ATL2: variants seen among roughly 807,000 people sequenced by gnomAD.
ATL2 encodes atlastin GTPase 2.
A neutral mutation model predicts 73.9 loss-of-function variants in ATL2; 31 were observed. The observed-to-expected ratio is 0.42, with a 90% CI of 0.32 to 0.57. The LOEUF is 0.57. Ranked by LOEUF, ATL2 falls within the 20% of genes least tolerant of loss-of-function variation. ATL2 has a pLI of 0.14. For synonymous variants in ATL2, 291 were observed against 237.5 expected (o/e 1.23, Z -2.07); for missense variants, 738 against 702.6 (o/e 1.05, Z -0.57).
intron 1 of ATL2, chr2:38,376,042 C>T (rs1671939542): frequency 7.3e-7 from 1 of 1,373,912 alleles, no homozygotes; most frequent in African/African-American, 1.4e-5. Context: ...CTTTACACAC[C>T]GTAAAAAAAG....
chr2:38,350,036 T>C (rs745534992), intron 1 of ATL2, among the ~76,000 whole-genome samples: 11 of 152,226 alleles, frequency 7.2e-5, no homozygotes, highest in Non-Finnish European at 1.2e-4. Context: ...GAGAATTGTA[T>C]GTAAATTTCA....
chr2:38,357,795 A>T (rs2124458055), intron 1 of ATL2, among the ~76,000 whole-genome samples: 1 of 152,330 alleles, frequency 6.6e-6, no homozygotes, highest in East Asian at 1.9e-4. Flanking sequence ...GACAACATTC[A>T]AGTTCTAGTA....
intron 2 of ATL2, among the ~76,000 whole-genome samples, chr2:38,329,132 A>C (rs1315097779): frequency 2.0e-5 from 3 of 150,488 alleles, no homozygotes; most frequent in Non-Finnish European, 4.4e-5. Context: ...ATTTAAAAAA[A>C]AAAAAAAAAA....
chr2:38,325,643 C>T (rs1333497901), intron 2 of ATL2, among the ~76,000 whole-genome samples: 4 of 80,794 alleles, frequency 5.0e-5, no homozygotes, highest in Non-Finnish European at 1.0e-4. Context: ...CACACACACA[C>T]ACACACACAC....
chr2:38,367,780 T>G (rs969841474), intron 1 of ATL2, among the ~76,000 whole-genome samples: 2 of 146,874 alleles, frequency 1.4e-5, no homozygotes, highest in Non-Finnish European at 3.0e-5. Flanking sequence ...TTACAGGCGC[T>G]TGCCACCATG....
At chr2:38,334,369 G>C (rs1251346061) in intron 2 of ATL2, among the ~76,000 whole-genome samples, 1 of 151,424 alleles carries the variant, frequency 6.6e-6, no homozygotes, top group African/African-American at 2.4e-5. Flanking sequence ...ATAATAAGCA[G>C]CAGCAGCCCA....
At chr2:38,356,484 C>G (rs10208506) in intron 1 of ATL2, among the ~76,000 whole-genome samples, 37,465 of 152,016 alleles carry the variant, frequency 0.25, 4,668 homozygotes, top group South Asian at 0.35. Flanking sequence ...TGAGCCACCA[C>G]GCCTGGCCCA....
intron 10 of ATL2, 46 bp downstream of exon 10, chr2:38,300,226 C>T (rs962468219): frequency 6.9e-7 from 1 of 1,440,028 alleles, no homozygotes; most frequent in Non-Finnish European, 9.5e-7. Flanking sequence ...TATTCTCCCT[C>T]ATAAATAAGT....
At chr2:38,325,715 C>CACACACCAGT (rs1668605675) in intron 2 of ATL2, among the ~76,000 whole-genome samples, 1 of 112,210 alleles carries the variant, frequency 8.9e-6, no homozygotes, top group Non-Finnish European at 1.6e-5. Flanking sequence ...CACACACACA[C>CACACACCAGT]ACACACACAC....
At chr2:38,373,926 T>C (rs1445942488) in intron 1 of ATL2, among the ~76,000 whole-genome samples, 1 of 152,214 alleles carries the variant, frequency 6.6e-6, no homozygotes, top group African/African-American at 2.4e-5. Context: ...AGTTTCGCTC[T>C]TGTTGCCCAG....
chr2:38,351,384 C>A (rs751650272), intron 1 of ATL2, among the ~76,000 whole-genome samples: 1 of 151,986 alleles, frequency 6.6e-6, no homozygotes, highest in Non-Finnish European at 1.5e-5. Flanking sequence ...ATTAATGTTG[C>A]GTACCTCAAA....
At chr2:38,376,132 A>G in intron 1 of ATL2, 1 of 1,526,488 alleles carries the variant, frequency 6.6e-7, no homozygotes, top group South Asian at 1.2e-5. Flanking sequence ...GTAGGCTTTT[A>G]CTATTTATAA....
intron 1 of ATL2, among the ~76,000 whole-genome samples, chr2:38,371,084 C>A (rs1671663463): frequency 6.6e-6 from 1 of 152,148 alleles, no homozygotes; most frequent in Non-Finnish European, 1.5e-5. Flanking sequence ...AATTCATTCA[C>A]TGAAATTTTT....
At chr2:38,303,422 T>A (rs1667285554) in intron 9 of ATL2, among the ~76,000 whole-genome samples, 1 of 151,840 alleles carries the variant, frequency 6.6e-6, no homozygotes, top group Non-Finnish European at 1.5e-5. Context: ...CCCAGACTGG[T>A]CTCAAGTGAT....
chr2:38,346,161 A>T (rs1355047141), intron 1 of ATL2, among the ~76,000 whole-genome samples: 1 of 152,134 alleles, frequency 6.6e-6, no homozygotes, highest in Non-Finnish European at 1.5e-5. Context: ...CTTACCCCTA[A>T]ATCTAATCAA....
chr2:38,346,376 T>C (rs1262843286), intron 1 of ATL2, among the ~76,000 whole-genome samples: 2 of 152,072 alleles, frequency 1.3e-5, no homozygotes, highest in Non-Finnish European at 2.9e-5. Context: ...TTACCCTCCT[T>C]AAAATCACTG....
chr2:38,343,550 C>A (rs750913156), intron 1 of ATL2, 38 bp from the exon 2 acceptor site: 2 of 1,570,820 alleles, frequency 1.3e-6, no homozygotes, highest in Non-Finnish European at 1.7e-6. Context: ...TACTTTAATC[C>A]CTATATTACG....
chr2:38,322,084 A>G (rs1668357476), intron 2 of ATL2, among the ~76,000 whole-genome samples: 1 of 152,132 alleles, frequency 6.6e-6, no homozygotes, highest in Non-Finnish European at 1.5e-5. Context: ...GAGTCTCTTG[A>G]GAGCAAAGGC....
intron 9 of ATL2, 49 bp from the exon 10 acceptor site, chr2:38,300,377 C>T (rs1398235637): frequency 1.5e-6 from 2 of 1,295,672 alleles, no homozygotes; most frequent in Admixed American, 3.4e-5. Context: ...CAATTTGGCT[C>T]CACATCCCCA....
Sources: gnomAD v4.1 joint callset for allele counts (sites outside exome capture counted in the v4.1 genomes callset) on GRCh38, gnomAD v4.1.1 for gene constraint, MANE v1.5 for transcripts, NCBI Gene and HGNC (gene_info 2026-07-23, HGNC 2026-07-21) for gene names.